HSF5: variants seen among roughly 807,000 people sequenced by gnomAD.
HSF5 encodes heat shock transcription factor 5.
HSF5 carries 5 observed loss-of-function variants against 50.8 expected under a neutral mutation model. The observed-to-expected ratio is 0.10, with a 90% CI of 0.05 to 0.21. The LOEUF (loss-of-function observed/expected upper bound fraction) is 0.21. HSF5 is among the 10% of genes least tolerant of loss of function. The pLI is 1.00. For missense variants in HSF5, 564 were observed against 762.6 expected, an observed-to-expected ratio of 0.74 and a Z score of 3.07; for synonymous variants, 307 against 307.4, an observed-to-expected ratio of 1.00 and a Z score of 0.02.
chr17:58,476,149 CT>C, intron 2 of HSF5: 4 of 1,054,128 alleles, frequency 3.8e-6, no homozygotes, highest in South Asian at 1.4e-5. Flanking sequence ...CTCCTTCATC[CT>C]TCTCTCCTTC....
chr17:58,481,732 G>T (rs1274986371), intron 1 of HSF5, among the ~76,000 whole-genome samples: 1 of 152,224 alleles, frequency 6.6e-6, no homozygotes, highest in Admixed American at 6.5e-5. Flanking sequence ...AGCCACGGTG[G>T]CTCATGCCTG....
chr17:58,462,456 A>G (rs1216730535), intron 4 of HSF5, among the ~76,000 whole-genome samples: 2 of 152,316 alleles, frequency 1.3e-5, no homozygotes, highest in Non-Finnish European at 2.9e-5. Context: ...GGCATATCTA[A>G]TCTATCCAAA....
intron 5 of HSF5, among the ~76,000 whole-genome samples, chr17:58,443,547 G>T (rs565772876): frequency 6.6e-6 from 1 of 152,224 alleles, no homozygotes; most frequent in South Asian, 2.1e-4. Flanking sequence ...CCATCCCTCA[G>T]TCTCAAGCAT....
chr17:58,464,703 G>T (rs1974838123), intron 3 of HSF5, among the ~76,000 whole-genome samples: 2 of 152,156 alleles, frequency 1.3e-5, no homozygotes, highest in Non-Finnish European at 2.9e-5. Context: ...CACGATCTTG[G>T]CTCACTGCAG....
intron 5 of HSF5, among the ~76,000 whole-genome samples, chr17:58,426,324 C>T (rs2079688255): frequency 2.0e-5 from 3 of 152,102 alleles, no homozygotes; most frequent in Admixed American, 2.0e-4. Flanking sequence ...ACAAAGTTGC[C>T]AATCAAGGAG....
chr17:58,450,976 C>CTACTTGGGAGGCT (rs1328061020), intron 5 of HSF5, among the ~76,000 whole-genome samples: 9 of 151,876 alleles, frequency 5.9e-5, no homozygotes. Flanking sequence ...GTAATCCCAG[C>CTACTTGGGAGGCT]TACTTGGGAG....
intron 5 of HSF5, among the ~76,000 whole-genome samples, chr17:58,454,598 C>G (rs1003016052): frequency 3.3e-5 from 5 of 151,586 alleles, no homozygotes; most frequent in African/African-American, 1.2e-4. Flanking sequence ...AAAGATTCCA[C>G]CAAAAAAATT....
intron 5 of HSF5, among the ~76,000 whole-genome samples, chr17:58,452,185 G>A (rs1974650418): frequency 6.6e-6 from 1 of 152,012 alleles, no homozygotes; most frequent in Non-Finnish European, 1.5e-5. Flanking sequence ...AGGAGTTCAA[G>A]GTTGCAGTGA....
At chr17:58,445,447 C>G (rs1171101654) in intron 5 of HSF5, among the ~76,000 whole-genome samples, 1 of 152,194 alleles carries the variant, frequency 6.6e-6, no homozygotes, top group Non-Finnish European at 1.5e-5. Flanking sequence ...ATTTCCACCC[C>G]CAAGTTCACA....
intron 1 of HSF5, among the ~76,000 whole-genome samples, chr17:58,482,996 C>T (rs903684720): frequency 1.3e-5 from 2 of 151,654 alleles, no homozygotes; most frequent in Non-Finnish European, 1.5e-5. Flanking sequence ...CTAGCAATTC[C>T]GCAGGTACAT....
chr17:58,447,234 C>G (rs1334157257), intron 5 of HSF5, among the ~76,000 whole-genome samples: 1 of 152,200 alleles, frequency 6.6e-6, no homozygotes, highest in Non-Finnish European at 1.5e-5. Flanking sequence ...TGATTCCACT[C>G]TAGTGCTCCT....
At chr17:58,427,168 G>C (rs1974307151) in intron 5 of HSF5, among the ~76,000 whole-genome samples, 1 of 152,198 alleles carries the variant, frequency 6.6e-6, no homozygotes, top group South Asian at 2.1e-4. Flanking sequence ...TCAGGAGGCT[G>C]AGGCAGGAGG....
At chr17:58,478,360 C>T (rs1398298957) in intron 2 of HSF5, among the ~76,000 whole-genome samples, 2 of 148,312 alleles carry the variant, frequency 1.3e-5, no homozygotes, top group Admixed American at 1.4e-4. Context: ...GCCTGTAGTC[C>T]CAGCTACTCG....
chr17:58,447,594 A>G (rs984665628), intron 5 of HSF5, among the ~76,000 whole-genome samples: 13 of 152,010 alleles, frequency 8.6e-5, no homozygotes, highest in Admixed American at 7.9e-4. Context: ...TTGAGAACCC[A>G]GGGAACTCTC....
At chr17:58,477,479 AG>A in intron 2 of HSF5, among the ~76,000 whole-genome samples, 1 of 98,272 alleles carries the variant, frequency 1.0e-5, no homozygotes, top group Non-Finnish European at 2.0e-5. Flanking sequence ...TTTTTTTTTG[AG>A]ACGGAGTCTC....
intron 5 of HSF5, among the ~76,000 whole-genome samples, chr17:58,453,260 T>C (rs1176650659): frequency 6.6e-6 from 1 of 151,982 alleles, no homozygotes; most frequent in Non-Finnish European, 1.5e-5. Context: ...TACAGGTCAA[T>C]ATCCCTGAAG....
chr17:58,472,307 C>A (rs1295298323), intron 2 of HSF5, among the ~76,000 whole-genome samples: 1 of 151,946 alleles, frequency 6.6e-6, no homozygotes. Context: ...GCTGTACCCC[C>A]CCCAAAAAAA....
chr17:58,470,755 G>A (rs555155780), intron 2 of HSF5, among the ~76,000 whole-genome samples: 24 of 152,164 alleles, frequency 1.6e-4, no homozygotes, highest in Admixed American at 4.6e-4. Context: ...GTGAAACCCC[G>A]TCACTACTAA....
chr17:58,436,917 C>CTTCTT (rs1974434758), intron 5 of HSF5, among the ~76,000 whole-genome samples: 1 of 144,078 alleles, frequency 6.9e-6, no homozygotes, highest in African/African-American at 2.7e-5. Context: ...TGGCAGAGGA[C>CTTCTT]CATATTGACT....
Sources: gnomAD v4.1 joint callset for allele counts (sites outside exome capture counted in the v4.1 genomes callset) on GRCh38, gnomAD v4.1.1 for gene constraint, MANE v1.5 for transcripts, NCBI Gene and HGNC (gene_info 2026-07-23, HGNC 2026-07-21) for gene names.